Variants in ZNF704 observed in about 807,000 individuals in gnomAD.
The protein encoded by ZNF704 is glucocorticoid induced gene 1.
A neutral mutation model predicts 44.7 loss-of-function variants in ZNF704; 10 were observed. The ratio of observed to expected loss-of-function variants is 0.22; its 90% CI spans 0.14 to 0.38. The LOEUF is 0.38. ZNF704 is among the 10% of genes least tolerant of loss of function. The pLI is 1.00. For missense variants in ZNF704, 390 were observed against 545.5 expected (o/e 0.71, Z 2.84); for synonymous variants, 211 against 207.6 (o/e 1.02, Z -0.14).
At chr8:80,809,920 T>C (rs796072719) in intron 2 of ZNF704, among the ~76,000 whole-genome samples, 6 of 152,256 alleles carry the variant, frequency 3.9e-5, no homozygotes, top group African/African-American at 1.2e-4. Context: ...AACCATTTTT[T>C]CCATGCAGCT....
At chr8:80,819,788 G>T (rs975630055) in intron 2 of ZNF704, among the ~76,000 whole-genome samples, 10 of 152,160 alleles carry the variant, frequency 6.6e-5, no homozygotes, top group African/African-American at 2.4e-4. Context: ...ATGAATACGT[G>T]AAAATTTTCA....
At position 80,664,871 on chromosome 8, in the gene ZNF704, A is replaced by G. The variant is rs1444293254; in HGVS notation, c.871T>C (p.Leu291=). The G allele has an allele frequency of 6.2e-7, 1 of 1,614,194 alleles. No homozygotes were observed. Among genetic ancestry groups the G allele is most frequent in the South Asian group, 1.1e-5 (1 of 91,086 alleles). The change falls in exon 6 of 9, where the codon TTG becomes CTG. Residue 291 remains leucine, a synonymous_variant. Transcript: ENST00000327835. ...AKTETKLMTP[L]SRSAPTTLYL... ...AGGGTGGTGGGAGCTGAGCGGCTCA[A>G]CGGCGTCATCAACTTAGTCTCCGTT...
At chr8:80,829,657 A>G (rs1808435759) in intron 1 of ZNF704, among the ~76,000 whole-genome samples, 1 of 152,218 alleles carries the variant, frequency 6.6e-6, no homozygotes, top group South Asian at 2.1e-4. Flanking sequence ...TACATTTCCT[A>G]TAGAAATACT....
At chr8:80,696,000 G>C (rs1369816818) in intron 2 of ZNF704, among the ~76,000 whole-genome samples, 2 of 152,122 alleles carry the variant, frequency 1.3e-5, no homozygotes, top group African/African-American at 4.8e-5. Flanking sequence ...ATGGCCTTGT[G>C]CTAAGTTGTG....
At chr8:80,818,600 T>G (rs545125219) in intron 2 of ZNF704, among the ~76,000 whole-genome samples, 1 of 152,158 alleles carries the variant, frequency 6.6e-6, no homozygotes, top group Non-Finnish European at 1.5e-5. Context: ...GACAAGAAAA[T>G]GTATCTGTAC....
At chr8:80,872,595 T>C (rs1160909281) in intron 1 of ZNF704, among the ~76,000 whole-genome samples, 2 of 152,220 alleles carry the variant, frequency 1.3e-5, no homozygotes, top group South Asian at 2.1e-4. Flanking sequence ...ACTCACTCCA[T>C]TGCTTACCAC....
chr8:80,847,193 T>TATAAA (rs1196414686), intron 1 of ZNF704, among the ~76,000 whole-genome samples: 1 of 151,668 alleles, frequency 6.6e-6, no homozygotes, highest in East Asian at 1.9e-4. Context: ...TAAAATAAAA[T>TATAAA]ATAAAATAAA....
At chr8:80,692,721 C>A (rs1818660165) in intron 3 of ZNF704, among the ~76,000 whole-genome samples, 1 of 152,078 alleles carries the variant, frequency 6.6e-6, no homozygotes, top group Admixed American at 6.5e-5. Context: ...AAAAAAGGGA[C>A]ACAAGTACTG....
rs779238958 is a variant in ZNF704 at position 80,874,500 on chromosome 8, G to A, written c.-22+71C>T. Reference sequence around the variant, plus strand: ...TTTCCACCACCGCCCCCCTCTTCGCGAGCCATTCCTCACAACCCTCCGGTC... The same window carrying A: ...TTTCCACCACCGCCCCCCTCTTCGCAAGCCATTCCTCACAACCCTCCGGTC... On this transcript the variant is annotated intron_variant, in intron 1 of 8. Coordinates refer to ENST00000327835, the MANE Select transcript of ZNF704 (RefSeq NM_001033723.3). This position sits in a 1 kb window ranked among gnomAD's most constrained non-coding sequence, Gnocchi z 4.4. The A allele has an allele frequency of 6.6e-6, 1 of 151,614 alleles. No homozygotes were observed. Among genetic ancestry groups the A allele is most frequent in the Non-Finnish European group, 1.5e-5 (1 of 67,902 alleles). The allele number at this position is 151,614 out of a possible 1,614,324, so 9.4% of individuals were successfully genotyped here.
chr8:80,752,505 C>T (rs1806960713), intron 2 of ZNF704, among the ~76,000 whole-genome samples: 1 of 151,594 alleles, frequency 6.6e-6, no homozygotes, highest in Non-Finnish European at 1.5e-5. Flanking sequence ...CTTTATAATG[C>T]TAGCCTGCTC....
intron 2 of ZNF704, among the ~76,000 whole-genome samples, chr8:80,709,442 CAAAAAAAAAAAAA>C (rs780264820): frequency 2.5e-4 from 4 of 15,886 alleles, no homozygotes; most frequent in Admixed American, 2.2e-3. Context: ...GACTCCATCT[CAAAAAAAAAAAAA>C]AAAAAAAAAA....
intron 4 of ZNF704, among the ~76,000 whole-genome samples, chr8:80,672,938 T>A (rs1369659340): frequency 2.6e-5 from 4 of 151,880 alleles, no homozygotes; most frequent in Non-Finnish European, 4.4e-5. Flanking sequence ...AAAAAAAAAA[T>A]TTTGTAATAC....
At chr8:80,733,774 C>A (rs954340842) in intron 2 of ZNF704, among the ~76,000 whole-genome samples, 3 of 152,210 alleles carry the variant, frequency 2.0e-5, no homozygotes, top group Admixed American at 6.5e-5. Context: ...ATTTCTTACT[C>A]ATTTTCCATA....
intron 2 of ZNF704, among the ~76,000 whole-genome samples, chr8:80,729,283 A>G (rs1176972818): frequency 6.6e-6 from 1 of 152,088 alleles, no homozygotes; most frequent in African/African-American, 2.4e-5. Flanking sequence ...GGTTAGAAGG[A>G]TTTGGATTTG....
intron 2 of ZNF704, among the ~76,000 whole-genome samples, chr8:80,746,699 T>C (rs755348948): frequency 1.3e-5 from 2 of 152,126 alleles, no homozygotes; most frequent in African/African-American, 4.8e-5. Flanking sequence ...ATCACGCAAA[T>C]TCAGGTGCTG....
intron 2 of ZNF704, among the ~76,000 whole-genome samples, chr8:80,758,973 G>A (rs1214148746): frequency 6.6e-6 from 1 of 152,150 alleles, no homozygotes; most frequent in African/African-American, 2.4e-5. Flanking sequence ...CAAGTAAGTG[G>A]CAAAGGAAGC....
At chr8:80,712,230 T>C (rs937394240) in intron 2 of ZNF704, among the ~76,000 whole-genome samples, 1 of 152,178 alleles carries the variant, frequency 6.6e-6, no homozygotes, top group African/African-American at 2.4e-5. Flanking sequence ...TCTCTAACCA[T>C]GTGATGCCTT....
intron 2 of ZNF704, among the ~76,000 whole-genome samples, chr8:80,761,911 G>A (rs1211198122): frequency 6.6e-6 from 1 of 152,218 alleles, no homozygotes; most frequent in Non-Finnish European, 1.5e-5. Flanking sequence ...GATGAGATCT[G>A]TTAATAAACT....
At chr8:80,833,331 A>C (rs778884325) in intron 1 of ZNF704, among the ~76,000 whole-genome samples, 17 of 152,342 alleles carry the variant, frequency 1.1e-4, no homozygotes, top group Admixed American at 5.9e-4. Flanking sequence ...GCCTGGCGAC[A>C]GAGCAAGACT....
Sources: allele counts gnomAD v4.1 joint callset (sites outside exome capture counted in the v4.1 genomes callset), GRCh38; gene constraint gnomAD v4.1.1; non-coding constraint Gnocchi (gnomAD v3.1); transcripts MANE v1.5; gene names NCBI Gene and HGNC (gene_info 2026-07-23, HGNC 2026-07-21).